The following LRP1B variants were observed in gnomAD, a reference collection of about 807,000 sequenced individuals.
LRP1B encodes low-density lipoprotein receptor-related protein 1B.
In LRP1B, 217 loss-of-function variants were observed where a neutral mutation model predicts 556.6. That is an observed-to-expected ratio of 0.39 (90% CI 0.35 to 0.44). The LOEUF (loss-of-function observed/expected upper bound fraction) is 0.44. Ranked by LOEUF, LRP1B falls within the 20% of genes least tolerant of loss-of-function variation. The pLI, the probability that LRP1B is intolerant of heterozygous loss-of-function variation, is 1.00. For missense variants in LRP1B, 5,053 were observed against 5,620.8 expected, an observed-to-expected ratio of 0.90 and a Z score of 3.23; for synonymous variants, 2,047 against 1,865.8, an observed-to-expected ratio of 1.10 and a Z score of -2.50.
chr2:141,115,094 AC>A (rs931506740), intron 7 of LRP1B, among the ~76,000 whole-genome samples: 2 of 152,152 alleles, frequency 1.3e-5, no homozygotes, highest in African/African-American at 4.8e-5. Context: ...ATATTTTGAA[AC>A]AAAATTATAG....
intron 1 of LRP1B, among the ~76,000 whole-genome samples, chr2:141,950,850 T>C (rs1701086569): frequency 6.6e-6 from 1 of 152,160 alleles, no homozygotes; most frequent in African/African-American, 2.4e-5. Context: ...TTGGTGTTTG[T>C]TTATATCAAG....
At chr2:140,567,602 G>A (rs1373567615) in intron 43 of LRP1B, among the ~76,000 whole-genome samples, 1 of 152,148 alleles carries the variant, frequency 6.6e-6, no homozygotes, top group African/African-American at 2.4e-5. Flanking sequence ...AAAGAGTGAA[G>A]TTGCACCTCA....
intron 3 of LRP1B, among the ~76,000 whole-genome samples, chr2:141,312,193 T>C (rs762547308): frequency 2.6e-5 from 4 of 152,154 alleles, no homozygotes; most frequent in Admixed American, 1.3e-4. Flanking sequence ...CTCCACCTCC[T>C]TTACTTCCTC....
At chr2:141,262,580 A>G (rs374615353) in intron 3 of LRP1B, among the ~76,000 whole-genome samples, 8 of 152,094 alleles carry the variant, frequency 5.3e-5, no homozygotes, top group Admixed American at 5.2e-4. Flanking sequence ...ATTTTTGTTT[A>G]ATTTCCATAA....
intron 31 of LRP1B, among the ~76,000 whole-genome samples, chr2:140,831,011 A>T (rs981070080): frequency 1.3e-5 from 2 of 152,146 alleles, no homozygotes; most frequent in African/African-American, 4.8e-5. Flanking sequence ...GAAATAAAAG[A>T]TCCCTACAAA....
At chr2:140,870,710 AT>A (rs1454932955) in intron 25 of LRP1B, among the ~76,000 whole-genome samples, 1 of 152,170 alleles carries the variant, frequency 6.6e-6, no homozygotes, top group Non-Finnish European at 1.5e-5. Flanking sequence ...TTTTCTCTTC[AT>A]TTAATTATAT....
chr2:141,357,299 C>T (rs1688663777), intron 3 of LRP1B, among the ~76,000 whole-genome samples: 1 of 152,206 alleles, frequency 6.6e-6, no homozygotes, highest in South Asian at 2.1e-4. Flanking sequence ...TGTGATCCAC[C>T]TGCCTCCGCT....
At chr2:140,498,965 T>A (rs925396876) in intron 55 of LRP1B, among the ~76,000 whole-genome samples, 11 of 151,912 alleles carry the variant, frequency 7.2e-5, no homozygotes, top group Non-Finnish European at 2.9e-5. Flanking sequence ...CATGTTTACA[T>A]ACTTAAAAAC....
chr2:140,742,057 A>T, intron 35 of LRP1B, among the ~76,000 whole-genome samples: 1 of 152,340 alleles, frequency 6.6e-6, no homozygotes, highest in African/African-American at 2.4e-5. Flanking sequence ...AAATTTGATC[A>T]ATGGCTCTAA....
At chr2:141,135,825 G>A (rs1701478211) in intron 7 of LRP1B, among the ~76,000 whole-genome samples, 1 of 151,832 alleles carries the variant, frequency 6.6e-6, no homozygotes, top group Non-Finnish European at 1.5e-5. Flanking sequence ...CTTCAGGGCT[G>A]TACTTTCCCC....
intron 65 of LRP1B, among the ~76,000 whole-genome samples, chr2:140,443,520 T>C (rs1224661529): frequency 6.6e-6 from 1 of 152,220 alleles, no homozygotes; most frequent in Non-Finnish European, 1.5e-5. Context: ...GCTGGATGAC[T>C]GCACATTATT....
intron 1 of LRP1B, among the ~76,000 whole-genome samples, chr2:141,814,267 A>T (rs1351344875): frequency 6.6e-6 from 1 of 152,046 alleles, no homozygotes; most frequent in African/African-American, 2.4e-5. Flanking sequence ...CCATATAGGG[A>T]TGTGGGCTTT....
At chr2:141,444,903 C>A (rs996529989) in intron 3 of LRP1B, among the ~76,000 whole-genome samples, 1 of 152,104 alleles carries the variant, frequency 6.6e-6, no homozygotes, top group Non-Finnish European at 1.5e-5. Flanking sequence ...TCTGTTGTGT[C>A]TCTGTCAGGT....
chr2:141,702,034 C>T (rs1008163722), intron 2 of LRP1B, among the ~76,000 whole-genome samples: 1 of 151,806 alleles, frequency 6.6e-6, no homozygotes, highest in African/African-American at 2.4e-5. Flanking sequence ...GTTCTTCAGA[C>T]CAAGGCAGGC....
At chr2:140,307,829 G>T (rs1320111807) in intron 83 of LRP1B, among the ~76,000 whole-genome samples, 3 of 151,630 alleles carry the variant, frequency 2.0e-5, no homozygotes, top group Non-Finnish European at 3.0e-5. Flanking sequence ...TCAGATTCTG[G>T]TCTTAATACT....
intron 3 of LRP1B, among the ~76,000 whole-genome samples, chr2:141,447,514 CT>C (rs1681241072): frequency 1.3e-5 from 2 of 152,036 alleles, no homozygotes; most frequent in Non-Finnish European, 2.9e-5. Context: ...AATTTTCAGC[CT>C]TTTTGCACTG....
At chr2:141,421,893 C>T (rs552833128) in intron 3 of LRP1B, among the ~76,000 whole-genome samples, 1 of 152,260 alleles carries the variant, frequency 6.6e-6, no homozygotes, top group East Asian at 1.9e-4. Flanking sequence ...CAGTTTTTCC[C>T]AATTGAATGT....
At chr2:140,590,916 T>C (rs1682197339) in intron 43 of LRP1B, among the ~76,000 whole-genome samples, 1 of 152,168 alleles carries the variant, frequency 6.6e-6, no homozygotes, top group African/African-American at 2.4e-5. Flanking sequence ...AATCTCCCCA[T>C]GGAAAAATAT....
chr2:140,303,506 C>T (rs917446422), intron 83 of LRP1B, among the ~76,000 whole-genome samples: 2 of 151,994 alleles, frequency 1.3e-5, no homozygotes, highest in African/African-American at 4.8e-5. Flanking sequence ...CTCAGCCTCC[C>T]AAAGTGCTGG....
Sources: gnomAD v4.1 joint callset for allele counts (sites outside exome capture counted in the v4.1 genomes callset) on GRCh38, gnomAD v4.1.1 for gene constraint, MANE v1.5 for transcripts, NCBI Gene and HGNC (gene_info 2026-07-23, HGNC 2026-07-21) for gene names.